DGKQ: variants seen among roughly 807,000 people sequenced by gnomAD.
DGKQ encodes diacylglycerol kinase theta.
In DGKQ, 97 loss-of-function variants were observed where a neutral mutation model predicts 104.2. The observed-to-expected ratio is 0.93, with a 90% CI of 0.79 to 1.10. DGKQ has a LOEUF of 1.10. DGKQ is among the 50% of genes least tolerant of loss of function. The probability of loss-of-function intolerance (pLI) is 0.00; values close to 1 mark genes in which losing one functional copy is unlikely to be tolerated. For synonymous variants in DGKQ, 736 were observed against 595.2 expected (o/e 1.24, Z -3.44); for missense variants, 1,465 against 1,352.1 (o/e 1.08, Z -1.31).
At chr4:962,362 C>G (rs1040981471) in intron 18 of DGKQ, 73 bp downstream of exon 18, 1 of 1,416,640 alleles carries the variant, frequency 7.1e-7, no homozygotes, top group Non-Finnish European at 9.5e-7. Flanking sequence ...GGGAAGAGGA[C>G]GCCCGTTGTG....
chr4:960,681 G>T lies in DGKQ; in HGVS notation c.2768C>A (p.Ala923Asp). 1 of 1,612,218 alleles carries T rather than the reference G, an allele frequency of 6.2e-7. No homozygotes were observed. ...CGCCCGGGCATCCCTGGTGGTCCCG[G>T]CCCTCCTCGGCTTCTGCTTGGCCTT... ...LRKAKQKPRR[A>D]GTTRDARADA... The change falls in exon 23 of 23, where the codon GCC (alanine) becomes GAC (aspartate). Residue 923 changes from alanine to aspartate, a missense_variant. Ala to Asp is a moderately radical substitution (Grantham distance 126). Coordinates refer to ENST00000273814, the MANE Select transcript of DGKQ (RefSeq NM_001347.4).
rs1186831231 is a variant in DGKQ, at chr4:967,020, G to T, written c.1255C>A (p.Pro419Thr). ...GVAYVSVRVT[P>T]KSTARSVVLE... Reference sequence around the variant, plus strand: ...ACCACAGAGCGGGCCGTGCTCTTCGGGGTCACTCGCACGGACACGTAGGCC... The same window carrying T: ...ACCACAGAGCGGGCCGTGCTCTTCGTGGTCACTCGCACGGACACGTAGGCC... The change falls in exon 10 of 23, where the codon CCG (proline) becomes ACG (threonine). Residue 419 changes from proline to threonine, a missense_variant. Coordinates refer to ENST00000273814, the MANE Select transcript of DGKQ (RefSeq NM_001347.4). The T allele has an allele frequency of 6.4e-7, 1 of 1,564,206 alleles. No homozygotes were observed. The highest frequency in any genetic ancestry group is 1.4e-5 in the African/African-American group (1 of 73,722).
rs760127954 is a variant in DGKQ at position 967,709 on chromosome 4, G to A, written c.886+19C>T. The A allele has an allele frequency of 6.8e-6, 11 of 1,611,732 alleles. No individual in the cohort carries two copies. The highest frequency in any genetic ancestry group is 3.3e-5 in the Admixed American group (2 of 59,892). ...CGGGGGACCTCAGTGGAGTTGGGGGGAATGAGGCGGGCACTTACCGGACTC... is the reference window on the plus strand; with the variant it reads ...CGGGGGACCTCAGTGGAGTTGGGGGAAATGAGGCGGGCACTTACCGGACTC... On this transcript the variant is annotated intron_variant, in intron 7 of 22. Coordinates refer to ENST00000273814, the MANE Select transcript of DGKQ (RefSeq NM_001347.4).
At position 967,019 on chromosome 4, in the gene DGKQ, G is replaced by C. The variant is rs763724957; in HGVS notation, c.1256C>G (p.Pro419Arg). The C allele has an allele frequency of 3.2e-6, 5 of 1,563,790 alleles. No individual in the cohort carries two copies. In the African/African-American group the frequency reaches 4.1e-5, roughly 13 times the overall value. Reference protein sequence around the residue: ...GVAYVSVRVTPKSTARSVVLE... With the variant: ...GVAYVSVRVTRKSTARSVVLE... Reference sequence around the variant, plus strand: ...CACCACAGAGCGGGCCGTGCTCTTCGGGGTCACTCGCACGGACACGTAGGC... The same window carrying C: ...CACCACAGAGCGGGCCGTGCTCTTCCGGGTCACTCGCACGGACACGTAGGC... The change falls in exon 10 of 23, where the codon CCG becomes CGG. Residue 419 changes from proline (P) to arginine (R), a missense_variant. Transcript: ENST00000273814.
At chr4:967,445 G>T in intron 8 of DGKQ, 84 bp from the exon 9 acceptor site, 3 of 1,398,098 alleles carry the variant, frequency 2.1e-6, no homozygotes, top group Non-Finnish European at 2.9e-6. Context: ...GGGGAGGCCA[G>T]GTGGGTGAGG....
chr4:961,308 C>G, intron 21 of DGKQ, 107 bp from the exon 22 acceptor site: 1 of 1,275,520 alleles, frequency 7.8e-7, no homozygotes, highest in Admixed American at 2.8e-5. Context: ...GGACGCCCAC[C>G]CTGGACCTGG....
intron 22 of DGKQ, 127 bp downstream of exon 22, chr4:960,922 C>A: frequency 1.3e-6 from 2 of 1,506,460 alleles, no homozygotes; most frequent in South Asian, 1.3e-5. Context: ...GAAGCAGGCA[C>A]CCTCCCGGAG....
Position 967,615 on chromosome 4 carries a change from G to C in DGKQ, c.921C>G (p.Asp307Glu). ...GGCGGAACTGGCTTCTTCTCACCGC[G>C]TCGTCGCCATCAAAGATCTTCAGCG... ...KQTLKIFDGDDAVRRSQFRLV... is the reference protein window; with the variant it reads ...KQTLKIFDGDEAVRRSQFRLV... The change falls in exon 8 of 23, where the codon GAC becomes GAG. Residue 307 changes from aspartate (D) to glutamate (E), a missense_variant. Physicochemically the swap from Asp to Glu is conservative, Grantham distance 45. Coordinates refer to ENST00000273814, the MANE Select transcript of DGKQ (RefSeq NM_001347.4). The C allele has an allele frequency of 6.2e-7, 1 of 1,612,666 alleles. No homozygotes were observed.
Position 959,462 on chromosome 4 carries a change from T to C in DGKQ, c.*1158A>G, listed in dbSNP as rs74472532. 8,569 of 152,312 alleles carry C rather than the reference T, an allele frequency of 0.056. 358 individuals are homozygous for C. The highest frequency in any genetic ancestry group is 0.13 in the South Asian group (649 of 4,828). The allele number at this position is 152,312 out of a possible 1,614,324, so 9.4% of individuals were successfully genotyped here. A position where few individuals can be genotyped will look rare whatever the true frequency, so the allele number is the denominator to read the frequency against. ...CTCCTCCCGGGGCCAGTGCACCATCTGAATCCTTGGGCACGTGGAGGCAGC... is the reference window on the plus strand; with the variant it reads ...CTCCTCCCGGGGCCAGTGCACCATCCGAATCCTTGGGCACGTGGAGGCAGC... On this transcript the variant is annotated 3_prime_UTR_variant, in exon 23 of 23. Transcript: ENST00000273814.
rs759837865 is a variant in DGKQ, at chr4:967,797, C to G, written c.817G>C (p.Gly273Arg). The G allele has an allele frequency of 6.2e-7, 1 of 1,600,776 alleles. No individual in the cohort carries two copies. The highest frequency in any genetic ancestry group is 1.1e-5 in the South Asian group (1 of 89,826). The part of the protein sequence containing the change: ...RIVEAAEPGE[G>R]GDGADGSAAV... ...GCGCTCCCGTCGGCGCCGTCGCCCC[C>G]CTCGCCTGCGGGTCGGGCACACGGA... The change falls in exon 7 of 23, where the codon GGG becomes CGG. Residue 273 changes from glycine to arginine, a missense_variant. Coordinates refer to ENST00000273814, the MANE Select transcript of DGKQ (RefSeq NM_001347.4).
chr4:963,000 G>T, intron 16 of DGKQ, 80 bp from the exon 17 acceptor site: 2 of 1,525,738 alleles, frequency 1.3e-6, no homozygotes, highest in African/African-American at 1.4e-5. Context: ...CCAAGTGCCC[G>T]TCCTGGCCGT....
intron 22 of DGKQ, 84 bp from the exon 23 acceptor site, chr4:960,805 C>T (rs929493733): frequency 7.9e-5 from 122 of 1,548,104 alleles, no homozygotes; most frequent in Non-Finnish European, 9.4e-5. Context: ...CCTGGGGCCC[C>T]GGGCAGCTGA....
intron 21 of DGKQ, 31 bp downstream of exon 21, chr4:961,436 G>A: frequency 6.4e-7 from 1 of 1,560,910 alleles, no homozygotes; most frequent in South Asian, 1.2e-5. Context: ...GCCCACCCTG[G>A]GCTCGCCCGC....
Position 968,876 on chromosome 4 carries a change from A to G in DGKQ, c.386T>C (p.Leu129Pro). 1 of 1,604,186 alleles carries G rather than the reference A, an allele frequency of 6.2e-7. No individual in the cohort carries two copies. Among genetic ancestry groups the G allele is most frequent in the South Asian group, 1.1e-5 (1 of 90,572 alleles). The change falls in exon 3 of 23, where the codon CTC (leucine) becomes CCC (proline). Residue 129 changes from leucine (L) to proline (P), a missense_variant. By Grantham distance (98) the Leu-to-Pro change is moderately conservative (BLOSUM62 -3). Coordinates refer to ENST00000273814, the MANE Select transcript of DGKQ (RefSeq NM_001347.4). ...PVAHCFGPRG[L>P]HKRKFCAVCR... Reference sequence around the variant, plus strand: ...GACAGCACAGAACTTGCGCTTGTGGAGCCCCCGGGGGCCGAAGCAGTGGGC... The same window carrying G: ...GACAGCACAGAACTTGCGCTTGTGGGGCCCCCGGGGGCCGAAGCAGTGGGC...
At chr4:966,673 C>T in intron 11 of DGKQ, 75 bp downstream of exon 11, 1 of 1,533,424 alleles carries the variant, frequency 6.5e-7, no homozygotes, top group Non-Finnish European at 8.9e-7. Flanking sequence ...CACCACCCTG[C>T]AGGAAAGCCT....
Position 961,688 on chromosome 4 carries a change from C to T in DGKQ, c.2462G>A (p.Ser821Asn). 1 of 1,612,526 alleles carries T rather than the reference C, an allele frequency of 6.2e-7. No individual in the cohort carries two copies. Among genetic ancestry groups the T allele is most frequent in the Non-Finnish European group, 8.5e-7 (1 of 1,179,902 alleles). ...IEGLIFINIP[S>N]WGSGADLWGS... ...TCTGGGGAGCCCCGCCCGCGAGCACCTGGGGATGTTGATGAAGATGAGGCC... is the reference window on the plus strand; with the variant it reads ...TCTGGGGAGCCCCGCCCGCGAGCACTTGGGGATGTTGATGAAGATGAGGCC... The change falls in exon 20 of 23, where the codon AGC becomes AAC. Residue 821 changes from serine to asparagine, a missense_variant and splice_region_variant. Physicochemically the swap from Ser to Asn is conservative, Grantham distance 46 (BLOSUM62 1). Transcript: ENST00000273814.
rs1042881256 is a variant in DGKQ at position 971,731 on chromosome 4, G to A, written c.272-659C>T. Among the ~76,000 whole-genome samples the A allele has an allele frequency of 1.3e-5, 2 of 152,140 alleles. No homozygotes were observed. Among genetic ancestry groups the A allele is most frequent in the Admixed American group, 6.5e-5 (1 of 15,276 alleles). On this transcript the variant is annotated intron_variant, in intron 1 of 22. Coordinates refer to ENST00000273814, the MANE Select transcript of DGKQ (RefSeq NM_001347.4). The surrounding 1 kb of genome is among the most constrained non-coding windows in gnomAD (Gnocchi z 4.0). ...AAACAGACAGGAGGGTGGGGCCGGG[G>A]CAGAAGGGAGGGCAGGAACCCTGGG...
At position 967,313 on chromosome 4, in the gene DGKQ, C is replaced by T. The variant is rs1230719169; in HGVS notation, c.1036G>A (p.Glu346Lys). 3 of 1,539,702 alleles carry T rather than the reference C, an allele frequency of 1.9e-6. No individual in the cohort carries two copies. Among genetic ancestry groups the T allele is most frequent in the Non-Finnish European group, 2.6e-6 (3 of 1,147,796 alleles). Residue 346 changes from glutamate to lysine, a missense_variant, in exon 9 of 23, where the codon GAG becomes AAG. Glu to Lys is a moderately conservative substitution (Grantham distance 56). Transcript: ENST00000273814. Reference protein sequence around the residue: ...HHIPEDPGHLELCRLPPSSQA... With the variant: ...HHIPEDPGHLKLCRLPPSSQA... ...GAGGAAGGGGGCAGCCGGCACAGCT[C>T]CAGGTGGCCAGGGTCCTCGGGGATG... is the stretch of plus-strand genomic sequence containing the variant.
intron 11 of DGKQ, 94 bp downstream of exon 11, chr4:966,654 G>A: frequency 4.0e-6 from 6 of 1,507,004 alleles, no homozygotes; most frequent in Admixed American, 1.9e-5. Context: ...GCCCGGCCTT[G>A]ATGTCCGGCA....
Sources: allele counts gnomAD v4.1 joint callset (sites outside exome capture counted in the v4.1 genomes callset), GRCh38; gene constraint gnomAD v4.1.1; non-coding constraint Gnocchi (gnomAD v3.1); transcripts MANE v1.5; gene names NCBI Gene and HGNC (gene_info 2026-07-23, HGNC 2026-07-21).